The following ANKRD17 variants were observed in gnomAD, a reference collection of about 807,000 sequenced individuals.
ANKRD17 encodes ankyrin repeat domain 17.
In ANKRD17, 19 loss-of-function variants were observed where a neutral mutation model predicts 229.7. The observed-to-expected ratio is 0.08, with a 90% confidence interval of 0.06 to 0.12. ANKRD17 has a LOEUF of 0.12. Among genes scored for constraint, ANKRD17 ranks in the 10% least tolerant of loss-of-function variants. The pLI, the probability that ANKRD17 is intolerant of heterozygous loss-of-function variation, is 1.00. For missense variants in ANKRD17, 2,176 were observed against 3,176.8 expected, an observed-to-expected ratio of 0.68 and a Z score of 7.57; for synonymous variants, 1,112 against 1,146.1, an observed-to-expected ratio of 0.97 and a Z score of 0.60.
At chr4:73,199,344 G>A (rs947274897) in intron 1 of ANKRD17, among the ~76,000 whole-genome samples, 5 of 152,000 alleles carry the variant, frequency 3.3e-5, no homozygotes, top group Admixed American at 3.3e-4. Flanking sequence ...AGAGAAAGGC[G>A]AGATGCCAAG....
Position 73,098,196 on chromosome 4 carries a change from C to A in ANKRD17, c.4898G>T (p.Arg1633Leu), listed in dbSNP as rs746356125. ...AGCTGGTGAATGATTGTCACTCTTA[C>A]GACTGCTGTTGCTGTTACTACTTTC... is the stretch of plus-strand genomic sequence containing the variant. ...SDESSNSNSS[R>L]KSDNHSPAVV... Residue 1633 changes from arginine to leucine, a missense_variant, in exon 26 of 34, where the codon CGT (arginine) becomes CTT (leucine). Around this residue, in one of 18 missense-constraint regions of ANKRD17, gnomAD observed 98 missense variants for 101.0 expected, o/e 0.97. Transcript: ENST00000358602. The A allele has an allele frequency of 6.2e-7, 1 of 1,614,072 alleles. No homozygotes were observed. Among genetic ancestry groups the A allele is most frequent in the Admixed American group, 1.7e-5 (1 of 59,996 alleles).
At chr4:73,090,626 G>C in intron 29 of ANKRD17, 41 bp downstream of exon 29, 1 of 1,609,904 alleles carries the variant, frequency 6.2e-7, no homozygotes, top group Non-Finnish European at 8.5e-7. Context: ...CATCACTTGT[G>C]CAAATGAACA....
At chr4:73,198,991 G>A (rs1433298520) in intron 1 of ANKRD17, among the ~76,000 whole-genome samples, 3 of 152,088 alleles carry the variant, frequency 2.0e-5, no homozygotes, top group Admixed American at 6.5e-5. Flanking sequence ...CTACTCTTTG[G>A]GAACAAATTC....
rs370914232 is a variant in ANKRD17 at position 73,076,160 on chromosome 4, AT to A, written c.*70del. On this transcript the variant is annotated 3_prime_UTR_variant, in exon 34 of 34. Transcript: ENST00000358602. ...ATCAGTAGAATGATTTGGGAGCATA[AT>A]TTTTTTTTTCGGCCACTTGTGATTT... 2,546 of 1,302,356 alleles carry A rather than the reference AT, an allele frequency of 2.0e-3. 6 individuals carry two copies. Among genetic ancestry groups the A allele is most frequent in the African/African-American group, 0.015 (965 of 66,398 alleles). 80.7% of individuals were successfully genotyped at this position (1,302,356 alleles called of 1,614,324 possible). A position where few individuals can be genotyped will look rare whatever the true frequency, so the allele number is the denominator to read the frequency against.
intron 2 of ANKRD17, among the ~76,000 whole-genome samples, chr4:73,170,886 T>G (rs1733901608): frequency 6.6e-6 from 1 of 152,092 alleles, no homozygotes; most frequent in Non-Finnish European, 1.5e-5. Flanking sequence ...TTTCTAAGGT[T>G]TTTGACCTCA....
chr4:73,162,090 T>C (rs2148919069), intron 2 of ANKRD17, among the ~76,000 whole-genome samples: 1 of 151,732 alleles, frequency 6.6e-6, no homozygotes, highest in East Asian at 1.9e-4. Flanking sequence ...TCTTGCTCTG[T>C]TACCCAGGCT....
intron 24 of ANKRD17, among the ~76,000 whole-genome samples, chr4:73,109,570 G>C (rs895903019): frequency 6.6e-6 from 1 of 152,024 alleles, no homozygotes; most frequent in Admixed American, 6.5e-5. Context: ...GGAGTTCCTA[G>C]GATAAGGGAG....
chr4:73,145,895 C>T (rs1165750934), intron 10 of ANKRD17, among the ~76,000 whole-genome samples: 1 of 151,980 alleles, frequency 6.6e-6, no homozygotes, highest in Non-Finnish European at 1.5e-5. Context: ...AAATTAATTA[C>T]TGAAGGGGGG....
At chr4:73,085,224 T>C (rs1560495134) in intron 30 of ANKRD17, 25 bp downstream of exon 30, 6 of 1,603,146 alleles carry the variant, frequency 3.7e-6, no homozygotes, top group African/African-American at 2.7e-5. Flanking sequence ...CAGATTCTTA[T>C]GGAATTACGG....
intron 1 of ANKRD17, among the ~76,000 whole-genome samples, chr4:73,219,055 C>T (rs1741502929): frequency 6.6e-6 from 1 of 152,126 alleles, no homozygotes; most frequent in Non-Finnish European, 1.5e-5. Flanking sequence ...AGCAAGATTC[C>T]GTCTCAAACA....
intron 22 of ANKRD17, among the ~76,000 whole-genome samples, chr4:73,118,152 G>A (rs555952397): frequency 6.6e-6 from 1 of 152,098 alleles, no homozygotes; most frequent in East Asian, 1.9e-4. Flanking sequence ...GAGTAGCTGG[G>A]ACTATTAGCA....
intron 29 of ANKRD17, among the ~76,000 whole-genome samples, chr4:73,089,109 C>T (rs1329733073): frequency 2.0e-5 from 3 of 150,678 alleles, no homozygotes; most frequent in Non-Finnish European, 4.4e-5. Context: ...GTGATCTCAG[C>T]TCACTGTAAC....
chr4:73,097,452 T>C (rs1723438612), intron 26 of ANKRD17, among the ~76,000 whole-genome samples, 180 bp from the exon 27 acceptor site: 1 of 152,100 alleles, frequency 6.6e-6, no homozygotes, highest in African/African-American at 2.4e-5. Context: ...TTTTTTCTTT[T>C]TGAGACAGGT....
chr4:73,226,367 T>C (rs1742496562), intron 1 of ANKRD17, among the ~76,000 whole-genome samples: 1 of 150,172 alleles, frequency 6.7e-6, no homozygotes, highest in African/African-American at 2.4e-5. Flanking sequence ...TTGCTACTAA[T>C]AGTAATAATT....
At chr4:73,083,467 T>C (rs1256038799) in intron 30 of ANKRD17, among the ~76,000 whole-genome samples, 3 of 152,170 alleles carry the variant, frequency 2.0e-5, no homozygotes, top group Admixed American at 6.6e-5. Context: ...AACAAAATAA[T>C]TGGGAAATTT....
intron 27 of ANKRD17, among the ~76,000 whole-genome samples, chr4:73,094,736 A>ATATG (rs905703561): frequency 6.7e-6 from 1 of 150,292 alleles, no homozygotes; most frequent in East Asian, 1.9e-4. Context: ...ATATATATAT[A>ATATG]TTATATGTGT....
In ANKRD17 at chr4:73,154,007, G is replaced by A. The variant is rs1268223291; in HGVS notation, c.1107C>T (p.Thr369=). 7.4e-6 allele frequency: 12 copies of A among 1,613,378 alleles called. No individual in the cohort carries two copies. The highest frequency in any genetic ancestry group is 1.7e-4 in the Middle Eastern group (1 of 6,058). The change falls in exon 6 of 34, where the codon ACC becomes ACT. Residue 369 remains threonine, a synonymous_variant. Transcript: ENST00000358602. The part of the protein sequence containing the change: ...SIEDHNENGH[T]PLMEAGSAGH... ...CAGCACTTCCAGCTTCCATAAGAGG[G>A]GTATGACCATTTTCATTATGGTCCT...
chr4:73,124,597 G>GA (rs1727192896), intron 18 of ANKRD17, among the ~76,000 whole-genome samples: 2 of 152,122 alleles, frequency 1.3e-5, no homozygotes, highest in Admixed American at 1.3e-4. Flanking sequence ...ATGTACTATA[G>GA]GGCAGGCAAA....
intron 1 of ANKRD17, among the ~76,000 whole-genome samples, chr4:73,222,249 G>C (rs1007623495): frequency 1.3e-5 from 2 of 151,910 alleles, no homozygotes; most frequent in Non-Finnish European, 2.9e-5. Flanking sequence ...AATGCCAAAA[G>C]CAATTATAGT....
Sources: allele counts gnomAD v4.1 joint callset (sites outside exome capture counted in the v4.1 genomes callset), GRCh38; gene constraint gnomAD v4.1.1; regional missense constraint gnomAD v4.1.1; transcripts MANE v1.5; gene names NCBI Gene and HGNC (gene_info 2026-07-23, HGNC 2026-07-21).